Variants in PCDHGB3 observed in about 807,000 individuals in gnomAD.
PCDHGB3 encodes protocadherin gamma subfamily B, 3, also known as protocadherin gamma-B3.
PCDHGB3 carries 40 observed loss-of-function variants against 59.2 expected under a neutral mutation model. The observed-to-expected ratio is 0.68, with a 90% CI of 0.52 to 0.88. PCDHGB3 has a LOEUF of 0.88. Ranked by LOEUF, PCDHGB3 falls within the 40% of genes least tolerant of loss-of-function variation. The pLI is 0.00. For missense variants in PCDHGB3, 1,309 were observed against 1,187.9 expected (o/e 1.10, Z -1.50); for synonymous variants, 581 against 503.6 (o/e 1.15, Z -2.06).
chr5:141,370,833 C>G lies in PCDHGB3; in HGVS notation c.439C>G (p.Leu147Val), dbSNP rs1305609320. ...ITELEISELA[L>V]TGATFALESA... ...TGAGCTGGAAATCAGCGAACTGGCT[C>G]TCACTGGAGCCACATTTGCCCTGGA... Residue 147 changes from leucine (L) to valine (V), a missense_variant, in exon 1 of 4, where the codon CTC becomes GTC. By Grantham distance (32) the Leu-to-Val change is conservative (BLOSUM62 1). Transcript: ENST00000576222. 2 of 1,614,064 alleles carry G rather than the reference C, an allele frequency of 1.2e-6. No homozygotes were observed.
At chr5:141,402,474 G>T (rs2094271773) in intron 1 of PCDHGB3, among the ~76,000 whole-genome samples, 1 of 152,122 alleles carries the variant, frequency 6.6e-6, no homozygotes, top group South Asian at 2.1e-4. Flanking sequence ...GAAATAGAGT[G>T]CAAAGTTCTA....
At chr5:141,400,498 A>G (rs1181845890) in intron 1 of PCDHGB3, 2 of 1,614,034 alleles carry the variant, frequency 1.2e-6, no homozygotes, top group Non-Finnish European at 1.7e-6. Flanking sequence ...TTGTAATTCC[A>G]GCGAGTCGAC....
chr5:141,421,239 G>C, intron 1 of PCDHGB3: 1 of 1,599,000 alleles, frequency 6.3e-7, no homozygotes, highest in South Asian at 1.1e-5. Flanking sequence ...TGGCGAATCG[G>C]CTACAGCGCG....
rs747205741 is a variant in PCDHGB3, at chr5:141,384,243, C to A, written c.2415+11434C>A. On this transcript the variant is annotated intron_variant, in intron 1 of 3. Coordinates refer to ENST00000576222, the MANE Select transcript of PCDHGB3 (RefSeq NM_018924.5). ...TGCAGGTGGCAGACACCAACGATAA[C>A]CCACCCACCTTCCCCCACTCATCCT... 3.5e-5 allele frequency: 56 copies of A among 1,613,762 alleles called. 1 individual carries two copies. The South Asian group carries it at 6.0e-4, about 17-fold the overall frequency.
At chr5:141,482,513 A>C (rs552094845) in intron 1 of PCDHGB3, among the ~76,000 whole-genome samples, 1 of 143,798 alleles carries the variant, frequency 7.0e-6, no homozygotes, top group East Asian at 2.1e-4. Flanking sequence ...CCCAGAGTAC[A>C]GTATGAGACA....
chr5:141,433,090 C>T, intron 1 of PCDHGB3: 2 of 1,614,210 alleles, frequency 1.2e-6, no homozygotes, highest in Non-Finnish European at 1.7e-6. Flanking sequence ...ACTATGCAGA[C>T]ATGCTCGTCA....
In PCDHGB3 at chr5:141,459,764, A is replaced by G. The variant is rs980972909; in HGVS notation, c.2416-35043A>G. On this transcript the variant is annotated intron_variant, in intron 1 of 3. Transcript: ENST00000576222. ...TTTTAGCAATTCTAGTGGGTGTGTG[A>G]TACTATCTCATTGAAGTTTCAACTG... Among the ~76,000 whole-genome samples, 56 of 152,208 alleles carry G rather than the reference A, an allele frequency of 3.7e-4. 1 individual carries two copies. Among genetic ancestry groups the G allele is most frequent in the Admixed American group, 6.5e-5 (1 of 15,274 alleles).
chr5:141,427,355 C>A (rs765449381), intron 1 of PCDHGB3: 9 of 457,430 alleles, frequency 2.0e-5, no homozygotes, highest in Non-Finnish European at 3.5e-5. Context: ...TAACTGAGGA[C>A]GCAGAACCCT....
intron 1 of PCDHGB3, chr5:141,427,703 C>T (rs529490424): frequency 1.0e-6 from 1 of 957,508 alleles, no homozygotes. Flanking sequence ...CACAAGTCAG[C>T]GCCTCTGACC....
chr5:141,457,111 G>A (rs922281700), intron 1 of PCDHGB3, among the ~76,000 whole-genome samples: 4 of 152,120 alleles, frequency 2.6e-5, no homozygotes, highest in South Asian at 2.1e-4. Flanking sequence ...AGCAAAATAC[G>A]ACAGCAATGG....
Position 141,370,790 on chromosome 5 carries a change from C to A in PCDHGB3, c.396C>A (p.Thr132=). The A allele has an allele frequency of 6.2e-7, 1 of 1,614,040 alleles. No individual in the cohort carries two copies. The highest frequency in any genetic ancestry group is 8.5e-7 in the Non-Finnish European group (1 of 1,179,906). ...LIQDINDNPP[T]FSQNITELEI... Reference sequence around the variant, plus strand: ...AGGATATTAACGACAACCCACCGACCTTTAGCCAAAATATCACTGAGCTGG... The same window carrying A: ...AGGATATTAACGACAACCCACCGACATTTAGCCAAAATATCACTGAGCTGG... Residue 132 remains threonine (T), a synonymous_variant, in exon 1 of 4, where the codon ACC becomes ACA. Coordinates refer to ENST00000576222, the MANE Select transcript of PCDHGB3 (RefSeq NM_018924.5).
Position 141,487,781 on chromosome 5 carries a change from G to T in PCDHGB3, c.2416-7026G>T. ...AGACGCTGTGCTTTGTAACTGTTTC[G>T]TGAATTAACCAGAGTTGTCACAGTT... On this transcript the variant is annotated intron_variant, in intron 1 of 3. Transcript: ENST00000576222. This position sits in a 1 kb window ranked among gnomAD's most constrained non-coding sequence, Gnocchi z 5.0. 2 of 1,526,850 alleles carry T rather than the reference G, an allele frequency of 1.3e-6. No homozygotes were observed. The highest frequency in any genetic ancestry group is 8.8e-7 in the Non-Finnish European group (1 of 1,130,880). The allele number at this position is 1,526,850 out of a possible 1,614,324, so 94.6% of individuals were successfully genotyped here. A position where few individuals can be genotyped will look rare whatever the true frequency, so the allele number is the denominator to read the frequency against.
At chr5:141,384,418 A>G (rs761365195) in intron 1 of PCDHGB3, 4 of 1,613,972 alleles carry the variant, frequency 2.5e-6, no homozygotes, top group Non-Finnish European at 3.4e-6. Context: ...CTATGTCTCC[A>G]TAAACTCTGA....
chr5:141,382,731 A>G (rs1250192091), intron 1 of PCDHGB3: 6 of 554,412 alleles, frequency 1.1e-5, no homozygotes, highest in Non-Finnish European at 1.8e-5. Flanking sequence ...TTTACAGCAC[A>G]GAGAAACGAC....
intron 1 of PCDHGB3, chr5:141,415,740 G>GTTTTTTGT (rs2095911797): frequency 1.9e-6 from 1 of 515,998 alleles, no homozygotes; most frequent in East Asian, 8.3e-5. Flanking sequence ...GTTTATTAAG[G>GTTTTTTGT]TTTTTTTTTT....
intron 3 of PCDHGB3, among the ~76,000 whole-genome samples, chr5:141,510,162 A>C (rs947806998): frequency 6.6e-6 from 1 of 151,838 alleles, no homozygotes; most frequent in Non-Finnish European, 1.5e-5. Flanking sequence ...AATCTCAGCT[A>C]CTCAGGAGGT....
chr5:141,458,390 C>T (rs2098944487), intron 1 of PCDHGB3, among the ~76,000 whole-genome samples: 1 of 152,058 alleles, frequency 6.6e-6, no homozygotes, highest in Non-Finnish European at 1.5e-5. Context: ...GAAGACGCTC[C>T]CCCTTGCAGA....
chr5:141,383,928 T>C (rs543603315), intron 1 of PCDHGB3: 20 of 1,613,902 alleles, frequency 1.2e-5, no homozygotes, highest in Admixed American at 1.7e-5. Flanking sequence ...TAAATGATAA[T>C]GCTCCAGAAG....
At chr5:141,471,965 G>A (rs919560714) in intron 1 of PCDHGB3, among the ~76,000 whole-genome samples, 4 of 152,160 alleles carry the variant, frequency 2.6e-5, no homozygotes, top group Non-Finnish European at 4.4e-5. Context: ...GGGGTTGGTT[G>A]CATTACTGTA....
Sources: gnomAD v4.1 joint callset for allele counts (sites outside exome capture counted in the v4.1 genomes callset) on GRCh38, gnomAD v4.1.1 for gene constraint, Gnocchi (gnomAD v3.1) non-coding constraint, MANE v1.5 for transcripts, NCBI Gene and HGNC (gene_info 2026-07-23, HGNC 2026-07-21) for gene names.